Variants in SLC39A3 observed in about 807,000 individuals in gnomAD.
SLC39A3 encodes solute carrier family 39 member 3, also known as zinc transporter ZIP3.
A neutral mutation model predicts 5.1 loss-of-function variants in SLC39A3; 3 were observed. That is an observed-to-expected ratio of 0.59 (90% confidence interval 0.27 to 1.54). The LOEUF (loss-of-function observed/expected upper bound fraction) is 1.54. SLC39A3 is among the 40% of genes most tolerant of loss of function. The probability of loss-of-function intolerance (pLI) is 0.12; values close to 1 mark genes in which losing one functional copy is unlikely to be tolerated. For missense variants in SLC39A3, 412 were observed against 436.4 expected, an observed-to-expected ratio of 0.94 and a Z score of 0.50; for synonymous variants, 250 against 218.8, an observed-to-expected ratio of 1.14 and a Z score of -1.26.
intron 1 of SLC39A3, chr19:2,739,403 GC>G (rs1164880469): frequency 6.6e-6 from 1 of 152,120 alleles, no homozygotes; most frequent in Non-Finnish European, 1.5e-5. Flanking sequence ...CCCACCATCA[GC>G]CCCAAGCGCC....
intron 1 of SLC39A3, among the ~76,000 whole-genome samples, chr19:2,738,687 A>C (rs542199665): frequency 7.2e-5 from 11 of 152,144 alleles, no homozygotes; most frequent in African/African-American, 2.4e-4. Context: ...AGGTGGGCAG[A>C]TCACCTGAGG....
chr19:2,736,880 A>C, intron 2 of SLC39A3, 168 bp downstream of exon 2: 1 of 1,505,022 alleles, frequency 6.6e-7, no homozygotes, highest in Non-Finnish European at 8.9e-7. Context: ...TAGAGCACAG[A>C]GACAGAAAGT....
At position 2,733,984 on chromosome 19, in the gene SLC39A3, C is replaced by T. The variant is rs558823034; in HGVS notation, c.211-499G>A. On this transcript the variant is annotated intron_variant, in intron 2 of 2. Transcript: ENST00000269740. This position sits in a 1 kb window ranked among gnomAD's most constrained non-coding sequence, Gnocchi z 6.1. ...GCTGCACTGGCCTTGCGTGTTCTGC[C>T]GCGGGGCCTCCTCTCTGCTTCCCTG... Among the ~76,000 whole-genome samples, 55 of 152,310 alleles carry T rather than the reference C, an allele frequency of 3.6e-4. No homozygotes were observed. The highest frequency in any genetic ancestry group is 1.3e-3 in the African/African-American group (52 of 41,564).
intron 1 of SLC39A3, among the ~76,000 whole-genome samples, chr19:2,738,492 C>G (rs1914447837): frequency 6.6e-6 from 1 of 152,160 alleles, no homozygotes; most frequent in Non-Finnish European, 1.5e-5. Context: ...GCCAAGCTTG[C>G]TCGTGCCTCA....
Position 2,733,602 on chromosome 19 carries a change from G to A in SLC39A3, c.211-117C>T. On this transcript the variant is annotated intron_variant, in intron 2 of 2. Transcript: ENST00000269740. This position sits in a 1 kb window ranked among gnomAD's most constrained non-coding sequence, Gnocchi z 6.1. ...TCCAGAAATCCCCGATTCACACAGA[G>A]GTTAAAACAAGTGGGAGAGGAAGGG... 2.2e-6 allele frequency: 3 copies of A among 1,355,738 alleles called. No homozygotes were observed. The highest frequency in any genetic ancestry group is 3.0e-6 in the Non-Finnish European group (3 of 1,014,122). 84.0% of individuals were successfully genotyped at this position (1,355,738 alleles called of 1,614,324 possible).
rs1049862127 is a variant in SLC39A3, at chr19:2,737,260, T to C, written c.-3A>G. 3.1e-6 allele frequency: 5 copies of C among 1,608,982 alleles called. No homozygotes were observed. In the African/African-American group the frequency reaches 6.7e-5, roughly 22 times the overall value. ...TTGGCCACTAGCAATTTCACCATGGTGGCGGCTTGGGCTGCTCTGGTCACT... is the reference window on the plus strand; with the variant it reads ...TTGGCCACTAGCAATTTCACCATGGCGGCGGCTTGGGCTGCTCTGGTCACT... On this transcript the variant is annotated 5_prime_UTR_variant, in exon 2 of 3. Transcript: ENST00000269740.
chr19:2,736,151 G>C (rs1914359800), intron 2 of SLC39A3: 2 of 985,486 alleles, frequency 2.0e-6, no homozygotes, highest in African/African-American at 3.5e-5. Flanking sequence ...TCAAGGAACA[G>C]GTCAGCAGAG....
chr19:2,732,622 C>T lies in SLC39A3; in HGVS notation c.*129G>A, dbSNP rs1914228454. ...GGGGCACAGCCTGGTCCCGGGAGGC[C>T]CCTTGTGCACAGGTGGTGGCCCAGG... On this transcript the variant is annotated 3_prime_UTR_variant, in exon 3 of 3. Coordinates refer to ENST00000269740, the MANE Select transcript of SLC39A3 (RefSeq NM_144564.5). 1.4e-6 allele frequency: 2 copies of T among 1,423,052 alleles called. No homozygotes were observed. The highest frequency in any genetic ancestry group is 1.8e-6 in the Non-Finnish European group (2 of 1,091,128). 88.2% of individuals were successfully genotyped at this position (1,423,052 alleles called of 1,614,324 possible). A position where few individuals can be genotyped will look rare whatever the true frequency, so the allele number is the denominator to read the frequency against.
In SLC39A3 at chr19:2,735,974, C is replaced by T; in HGVS notation, c.210+1074G>A. ...TCGTTGGGAGGAAGAACAGGGGGTC[C>T]TCATATCTCCACCAAGTATGTAACC... On this transcript the variant is annotated intron_variant, in intron 2 of 2. Transcript: ENST00000269740. This position sits in a 1 kb window ranked among gnomAD's most constrained non-coding sequence, Gnocchi z 5.7. 1 of 985,426 alleles carries T rather than the reference C, an allele frequency of 1.0e-6. No individual in the cohort carries two copies. Among genetic ancestry groups the T allele is most frequent in the Non-Finnish European group, 1.2e-6 (1 of 829,962 alleles). 61.0% of individuals were successfully genotyped at this position (985,426 alleles called of 1,614,324 possible).
chr19:2,734,058 G>A lies in SLC39A3; in HGVS notation c.211-573C>T, dbSNP rs1018089208. On this transcript the variant is annotated intron_variant, in intron 2 of 2. Transcript: ENST00000269740. This position sits in a 1 kb window ranked among gnomAD's most constrained non-coding sequence, Gnocchi z 4.6. ...TCCTCCTGGTCAGGGCTCTCCTAGCGAGGGGAGACTTTGGTGGGGAGAAAC... is the reference window on the plus strand; with the variant it reads ...TCCTCCTGGTCAGGGCTCTCCTAGCAAGGGGAGACTTTGGTGGGGAGAAAC... 2.4e-4 allele frequency among the ~76,000 whole-genome samples: 36 copies of A among 152,344 alleles called. No individual in the cohort carries two copies. The East Asian group carries it at 4.8e-3, about 20-fold the overall frequency.
intron 1 of SLC39A3, among the ~76,000 whole-genome samples, chr19:2,739,183 G>C (rs963984450): frequency 6.7e-6 from 1 of 150,292 alleles, no homozygotes; most frequent in Admixed American, 6.6e-5. Flanking sequence ...TGTACCCGCC[G>C]GAAGGCCTGC....
At position 2,735,783 on chromosome 19, in the gene SLC39A3, A is replaced by G. The variant is rs1298486979; in HGVS notation, c.210+1265T>C. 1 of 960,438 alleles carries G rather than the reference A, an allele frequency of 1.0e-6. No individual in the cohort carries two copies. The highest frequency in any genetic ancestry group is 1.2e-6 in the Non-Finnish European group (1 of 807,318). 59.5% of individuals were successfully genotyped at this position (960,438 alleles called of 1,614,324 possible). On this transcript the variant is annotated intron_variant, in intron 2 of 2. Coordinates refer to ENST00000269740, the MANE Select transcript of SLC39A3 (RefSeq NM_144564.5). This position sits in a 1 kb window ranked among gnomAD's most constrained non-coding sequence, Gnocchi z 5.7. ...GGAGGGAAGAGCATGGGGCGTGCGG[A>G]GCAGGGGCTGGAAGCTCAGGGAGCC... is the stretch of plus-strand genomic sequence containing the variant.
rs376600938 is a variant in SLC39A3 at position 2,733,370 on chromosome 19, C to T, written c.326G>A (p.Arg109His). 1.2e-5 allele frequency: 19 copies of T among 1,613,118 alleles called. No individual in the cohort carries two copies. The highest frequency in any genetic ancestry group is 2.2e-5 in the South Asian group (2 of 91,084). ...GTCGATGAAGGACGGCTTCTCCTTGCGGAAGGTCAGGATCAGCTGCTCCAG... is the reference window on the plus strand; with the variant it reads ...GTCGATGAAGGACGGCTTCTCCTTGTGGAAGGTCAGGATCAGCTGCTCCAG... The part of the protein sequence containing the change: ...VFLEQLILTF[R>H]KEKPSFIDLE... The change falls in exon 3 of 3, where the codon CGC (arginine) becomes CAC (histidine). Residue 109 changes from arginine to histidine, a missense_variant. Physicochemically the swap from Arg to His is conservative, Grantham distance 29 (BLOSUM62 0). Transcript: ENST00000269740. The surrounding 1 kb of genome is among the most constrained non-coding windows in gnomAD (Gnocchi z 6.1).
At position 2,732,821 on chromosome 19, in the gene SLC39A3, C is replaced by G. The variant is rs763705723; in HGVS notation, c.875G>C (p.Arg292Pro). Residue 292 changes from arginine (R) to proline (P), a missense_variant, in exon 3 of 3, where the codon CGT becomes CCT. By Grantham distance (103) the Arg-to-Pro change is moderately radical. Coordinates refer to ENST00000269740, the MANE Select transcript of SLC39A3 (RefSeq NM_144564.5). ...CACCAGGAAGAGGACCTTGAGCAGA[C>G]GGTCACTCTTCTCCTCCAGCTCCTT... ...LAKELEEKSD[R>P]LLKVLFLVLG... 6.2e-7 allele frequency: 1 copy of G among 1,611,546 alleles called. No homozygotes were observed. The highest frequency in any genetic ancestry group is 8.5e-7 in the Non-Finnish European group (1 of 1,179,182).
chr19:2,739,110 A>G (rs1914471643), intron 1 of SLC39A3, among the ~76,000 whole-genome samples: 1 of 148,124 alleles, frequency 6.8e-6, no homozygotes, highest in Non-Finnish European at 1.5e-5. Flanking sequence ...AAAAAAAAAA[A>G]AAAAAAAAAA....
chr19:2,733,367 T>C lies in SLC39A3; in HGVS notation c.329A>G (p.Lys110Arg). The C allele has an allele frequency of 6.2e-7, 1 of 1,613,222 alleles. No homozygotes were observed. Among genetic ancestry groups the C allele is most frequent in the Non-Finnish European group, 8.5e-7 (1 of 1,180,000 alleles). Residue 110 changes from lysine to arginine, a missense_variant, in exon 3 of 3, where the codon AAG (lysine) becomes AGG (arginine). Transcript: ENST00000269740. The surrounding 1 kb of genome is among the most constrained non-coding windows in gnomAD (Gnocchi z 6.1). ...FLEQLILTFR[K>R]EKPSFIDLET... ...CAGGTCGATGAAGGACGGCTTCTCC[T>C]TGCGGAAGGTCAGGATCAGCTGCTC...
intron 1 of SLC39A3, among the ~76,000 whole-genome samples, chr19:2,738,060 G>A (rs979937811): frequency 1.3e-5 from 2 of 151,628 alleles, no homozygotes; most frequent in South Asian, 2.1e-4. Flanking sequence ...TTAGCCGGCC[G>A]TGGTGGCAGG....
In SLC39A3 at chr19:2,737,394, G is replaced by C; in HGVS notation, c.-122-15C>G. On this transcript the variant is annotated splice_polypyrimidine_tract_variant and intron_variant, in intron 1 of 2. Coordinates refer to ENST00000269740, the MANE Select transcript of SLC39A3 (RefSeq NM_144564.5). ...CAGTCCAGCAACTGTGAACATCAGGGGCACTGCATTAGCTTTCTTTCTTTT... is the reference window on the plus strand; with the variant it reads ...CAGTCCAGCAACTGTGAACATCAGGCGCACTGCATTAGCTTTCTTTCTTTT... 7.0e-7 allele frequency: 1 copy of C among 1,420,458 alleles called. No individual in the cohort carries two copies. Among genetic ancestry groups the C allele is most frequent in the Non-Finnish European group, 9.3e-7 (1 of 1,071,720 alleles). The allele number at this position is 1,420,458 out of a possible 1,614,324, so 88.0% of individuals were successfully genotyped here.
chr19:2,738,474 C>T (rs770206297), intron 1 of SLC39A3, among the ~76,000 whole-genome samples: 1 of 152,142 alleles, frequency 6.6e-6, no homozygotes, highest in Non-Finnish European at 1.5e-5. Flanking sequence ...CTCACTGGTC[C>T]TTTCTGTGCC....
Sources: allele counts gnomAD v4.1 joint callset (sites outside exome capture counted in the v4.1 genomes callset), GRCh38; gene constraint gnomAD v4.1.1; non-coding constraint Gnocchi (gnomAD v3.1); transcripts MANE v1.5; gene names NCBI Gene and HGNC (gene_info 2026-07-23, HGNC 2026-07-21).